The following RICTOR variants were observed in gnomAD, a reference collection of about 807,000 sequenced individuals.
The protein encoded by RICTOR is rapamycin-insensitive companion of mTOR.
In RICTOR, 49 loss-of-function variants were observed where a neutral mutation model predicts 214.9. The observed-to-expected ratio is 0.23, with a 90% CI of 0.18 to 0.29. RICTOR has a LOEUF of 0.29. RICTOR is among the 10% of genes least tolerant of loss of function. RICTOR has a pLI of 1.00. For missense variants in RICTOR, 1,625 were observed against 2,047.0 expected (o/e 0.79, Z 3.98); for synonymous variants, 717 against 711.3 (o/e 1.01, Z -0.13).
At chr5:38,998,000 G>A (rs1239350474) in intron 5 of RICTOR, among the ~76,000 whole-genome samples, 1 of 152,154 alleles carries the variant, frequency 6.6e-6, no homozygotes, top group East Asian at 1.9e-4. Flanking sequence ...TACACTCTAA[G>A]AAACAAAGGA....
intron 9 of RICTOR, among the ~76,000 whole-genome samples, 158 bp downstream of exon 9, chr5:38,978,425 C>A (rs373432666): frequency 1.3e-5 from 2 of 151,896 alleles, no homozygotes; most frequent in East Asian, 1.9e-4. Flanking sequence ...ATTTTTTAAA[C>A]CACAGTAAAT....
intron 3 of RICTOR, among the ~76,000 whole-genome samples, chr5:39,006,721 A>G (rs1390217501): frequency 3.7e-5 from 1 of 26,734 alleles, no homozygotes; most frequent in Non-Finnish European, 7.1e-5. Context: ...AGGAGGGGAG[A>G]GGAGGGGAGA....
chr5:38,990,663 TCA>T lies in RICTOR; in HGVS notation c.583+284_583+285del, dbSNP rs1450153128. 1.9e-4 allele frequency among the ~76,000 whole-genome samples: 27 copies of T among 140,198 alleles called. 3 individuals are homozygous for T. The highest frequency in any genetic ancestry group is 6.2e-4 in the African/African-American group (23 of 36,898). The allele number at this position is 140,198 out of a possible 152,430, so 92.0% of individuals were successfully genotyped here. A position where few individuals can be genotyped will look rare whatever the true frequency, so the allele number is the denominator to read the frequency against. On this transcript the variant is annotated intron_variant, in intron 7 of 37. Coordinates refer to ENST00000357387, the MANE Select transcript of RICTOR (RefSeq NM_152756.5). ...ACATATATCAGATATATGATATATA[TCA>T]GATATATATCAGATATATCATATAT...
chr5:38,963,708 A>T (rs1749980931), intron 16 of RICTOR, among the ~76,000 whole-genome samples: 4 of 151,950 alleles, frequency 2.6e-5, no homozygotes, highest in Admixed American at 2.6e-4. Context: ...TTTTAAGAGG[A>T]CTATTCTTAC....
In RICTOR at chr5:38,950,268, G is replaced by A; in HGVS notation, c.3580C>T (p.His1194Tyr). Residue 1194 changes from histidine to tyrosine, a missense_variant, in exon 31 of 38, where the codon CAC (histidine) becomes TAC (tyrosine). His to Tyr is a moderately conservative substitution (Grantham distance 83). Around this residue, in one of 5 missense-constraint regions of RICTOR, gnomAD observed 1,214 missense variants for 1,470.5 expected, o/e 0.83. Transcript: ENST00000357387. ...CTCTCTCGGCTTGTATTTTCTCTGT[G>A]ATTCTCTGTACCAAAATTCTTGGTG... ...KFTKNFGTEN[H>Y]RENTSRERLV... 6.2e-7 allele frequency: 1 copy of A among 1,613,424 alleles called. No homozygotes were observed. The highest frequency in any genetic ancestry group is 2.2e-5 in the East Asian group (1 of 44,858).
At chr5:38,997,326 T>C (rs1474447032) in intron 5 of RICTOR, among the ~76,000 whole-genome samples, 1 of 152,324 alleles carries the variant, frequency 6.6e-6, no homozygotes, top group East Asian at 1.9e-4. Context: ...AAATTCTATC[T>C]TACCAAAATA....
intron 3 of RICTOR, among the ~76,000 whole-genome samples, chr5:39,008,833 A>G (rs957162959): frequency 2.0e-5 from 3 of 152,136 alleles, no homozygotes; most frequent in Non-Finnish European, 4.4e-5. Flanking sequence ...TACTAGCATT[A>G]TCACTATGTG....
intron 12 of RICTOR, 67 bp downstream of exon 12, chr5:38,967,876 T>C: frequency 2.6e-6 from 2 of 777,426 alleles, no homozygotes; most frequent in Non-Finnish European, 4.4e-6. Flanking sequence ...TTTCTCCTTT[T>C]AGGAACTGTC....
intron 3 of RICTOR, among the ~76,000 whole-genome samples, chr5:39,017,100 T>C (rs796879933): frequency 6.6e-6 from 1 of 152,134 alleles, no homozygotes; most frequent in African/African-American, 2.4e-5. Context: ...GTAAGACCCA[T>C]GCTAGTAACA....
At chr5:39,053,719 C>T (rs1265431102) in intron 2 of RICTOR, among the ~76,000 whole-genome samples, 2 of 151,294 alleles carry the variant, frequency 1.3e-5, no homozygotes, top group Admixed American at 6.6e-5. Context: ...GGTGAAACCC[C>T]GTCTCTACTA....
intron 6 of RICTOR, among the ~76,000 whole-genome samples, chr5:38,991,663 AAT>A (rs1752785757): frequency 6.6e-6 from 1 of 152,096 alleles, no homozygotes. Context: ...CAGAGTTCAT[AAT>A]CCAAATCTAT....
In RICTOR at chr5:38,942,959, C is replaced by T; in HGVS notation, c.4926G>A (p.Lys1642=). 6.2e-7 allele frequency: 1 copy of T among 1,604,162 alleles called. No homozygotes were observed. Residue 1642 remains lysine (K), a synonymous_variant, in exon 37 of 38, where the codon AAG becomes AAA. Transcript: ENST00000357387. ...ATATGTCATCAAATGTTTGAGGATA[C>T]TTCTCCTTAATTCTAAAATAAAAGA... ...HETGLLTIKE[K]YPQTFDDICL...
At chr5:39,041,868 G>T (rs971586223) in intron 2 of RICTOR, among the ~76,000 whole-genome samples, 1 of 149,982 alleles carries the variant, frequency 6.7e-6, no homozygotes, top group African/African-American at 2.5e-5. Flanking sequence ...TACAGCCTGG[G>T]AGTTCAAGGA....
intron 28 of RICTOR, 25 bp downstream of exon 28, chr5:38,953,436 T>C (rs1396274715): frequency 9.7e-6 from 10 of 1,034,504 alleles, no homozygotes; most frequent in Non-Finnish European, 1.4e-5. Context: ...ATTGCGAAGA[T>C]CTTACAGAAG....
chr5:39,031,685 T>C (rs1756280151), intron 2 of RICTOR, among the ~76,000 whole-genome samples: 1 of 152,206 alleles, frequency 6.6e-6, no homozygotes, highest in South Asian at 2.1e-4. Context: ...TTCTATGATG[T>C]ATTTGTGAAT....
At chr5:38,963,885 A>G (rs534807769) in intron 16 of RICTOR, among the ~76,000 whole-genome samples, 1 of 152,032 alleles carries the variant, frequency 6.6e-6, no homozygotes, top group Non-Finnish European at 1.5e-5. Flanking sequence ...CTAGAGACAG[A>G]ACTGAGATAA....
intron 7 of RICTOR, among the ~76,000 whole-genome samples, chr5:38,986,074 T>G (rs1373704599): frequency 6.6e-6 from 1 of 152,184 alleles, no homozygotes; most frequent in Non-Finnish European, 1.5e-5. Context: ...TTTGGCTCTG[T>G]GTCCCCACCC....
Position 38,944,435 on chromosome 5 carries a change from A to T in RICTOR, c.4913+11T>A. 6.9e-6 allele frequency: 11 copies of T among 1,592,840 alleles called. No individual in the cohort carries two copies. Among genetic ancestry groups the T allele is most frequent in the Non-Finnish European group, 6.8e-6 (8 of 1,173,656 alleles). On this transcript the variant is annotated intron_variant, in intron 36 of 37. Coordinates refer to ENST00000357387, the MANE Select transcript of RICTOR (RefSeq NM_152756.5). Reference sequence around the variant, plus strand: ...ATAAACAAATAATACTCATGCACATAGTTTACTCACGTTAAAAGCCCAGTC... The same window carrying T: ...ATAAACAAATAATACTCATGCACATTGTTTACTCACGTTAAAAGCCCAGTC...
chr5:38,958,691 G>T lies in RICTOR; in HGVS notation c.2319C>A (p.Ile773=), dbSNP rs1749528560. The change falls in exon 23 of 38, where the codon ATC becomes ATA. Residue 773 remains isoleucine (I), a synonymous_variant. Transcript: ENST00000357387. ...CCTTGTCTTCACATGCTTCATCGAG[G>T]ATATCAAGAGCTTCAGAGGAAATCG... ...NKTISSEALD[I]LDEACEDKAN... is the part of the protein sequence containing the mutation. 6.2e-7 allele frequency: 1 copy of T among 1,607,360 alleles called. No individual in the cohort carries two copies. Among genetic ancestry groups the T allele is most frequent in the South Asian group, 1.1e-5 (1 of 89,222 alleles).
Sources: gnomAD v4.1 joint callset for allele counts (sites outside exome capture counted in the v4.1 genomes callset) on GRCh38, gnomAD v4.1.1 for gene constraint, gnomAD v4.1.1 regional missense constraint, MANE v1.5 for transcripts, NCBI Gene and HGNC (gene_info 2026-07-23, HGNC 2026-07-21) for gene names.